Variants in MFSD8 observed in about 807,000 individuals in gnomAD.
MFSD8 encodes major facilitator superfamily domain-containing protein 8.
MFSD8 carries 55 observed loss-of-function variants against 66.4 expected under a neutral mutation model. The ratio of observed to expected loss-of-function variants is 0.83; its 90% CI spans 0.67 to 1.04. MFSD8 has a LOEUF of 1.04. Among genes scored for constraint, MFSD8 ranks in the 50% least tolerant of loss-of-function variants. The pLI, the probability that MFSD8 is intolerant of heterozygous loss-of-function variation, is 0.00. For missense variants in MFSD8, 550 were observed against 627.6 expected, an observed-to-expected ratio of 0.88 and a Z score of 1.32; for synonymous variants, 202 against 212.8, an observed-to-expected ratio of 0.95 and a Z score of 0.44.
rs184418973 is a variant in MFSD8 at position 127,957,038 on chromosome 4, G to A, written c.154+463C>T. ...AGCCTTAAGCACATAGGAGAATAGA[G>A]GAAAAATTTCTCCTACCCTAGAATA... On this transcript the variant is annotated intron_variant, in intron 2 of 11. Coordinates refer to ENST00000641686, the MANE Select transcript of MFSD8 (RefSeq NM_001371596.2). 8.0e-4 allele frequency among the ~76,000 whole-genome samples: 122 copies of A among 152,056 alleles called. 2 individuals carry two copies. Among genetic ancestry groups the A allele is most frequent in the Admixed American group, 5.8e-3 (88 of 15,262 alleles).
intron 9 of MFSD8, among the ~76,000 whole-genome samples, chr4:127,923,552 T>TTATTATTA (rs1553944539): frequency 1.5e-5 from 2 of 130,578 alleles, no homozygotes; most frequent in Admixed American, 8.0e-5. Flanking sequence ...TTTATTTTTA[T>TTATTATTA]TTATTATTAT....
intron 8 of MFSD8, chr4:127,932,770 A>C (rs1246769947): frequency 4.6e-6 from 2 of 438,600 alleles, no homozygotes; most frequent in South Asian, 5.5e-5. Context: ...AGATTCTTTT[A>C]TAAGAAAATA....
At chr4:127,942,293 C>A in intron 4 of MFSD8, 135 bp from the exon 5 acceptor site, 1 of 698,946 alleles carries the variant, frequency 1.4e-6, no homozygotes, top group Non-Finnish European at 2.6e-6. Flanking sequence ...TATGATCACA[C>A]AAAGCATGTA....
chr4:127,930,250 A>T (rs778935720), intron 9 of MFSD8, among the ~76,000 whole-genome samples: 1 of 152,084 alleles, frequency 6.6e-6, no homozygotes, highest in African/African-American at 2.4e-5. Flanking sequence ...AAAAAAAAAA[A>T]GAGTGTTGTG....
chr4:127,924,901 C>A (rs2148852798), intron 9 of MFSD8, among the ~76,000 whole-genome samples: 1 of 152,116 alleles, frequency 6.6e-6, no homozygotes, highest in East Asian at 1.9e-4. Context: ...GATATATAGA[C>A]CAATGGAACA....
At chr4:127,965,259 G>C (rs913980153), upstream of MFSD8, 7 of 1,227,976 alleles carry the variant, frequency 5.7e-6, no homozygotes, top group Admixed American at 3.9e-5. Flanking sequence ...GTCAGACGTA[G>C]GCGGAACGCC....
chr4:127,921,482 A>T, intron 11 of MFSD8, 42 bp downstream of exon 11: 1 of 1,613,252 alleles, frequency 6.2e-7, no homozygotes, highest in Non-Finnish European at 8.5e-7. Context: ...AGTGCTTACA[A>T]GTATATTTTC....
chr4:127,925,014 G>T (rs1011646632), intron 9 of MFSD8, among the ~76,000 whole-genome samples: 2 of 152,086 alleles, frequency 1.3e-5, no homozygotes, highest in African/African-American at 4.8e-5. Flanking sequence ...TTTAATAAAT[G>T]GTGTTGGGAA....
intron 3 of MFSD8, chr4:127,945,662 G>C (rs1740913642): frequency 6.6e-6 from 1 of 151,864 alleles, no homozygotes; most frequent in African/African-American, 2.4e-5. Flanking sequence ...ATATTTAGGT[G>C]CGTTTTTCTT....
At chr4:127,944,606 A>T (rs1445884020) in intron 3 of MFSD8, among the ~76,000 whole-genome samples, 1 of 152,188 alleles carries the variant, frequency 6.6e-6, no homozygotes, top group Non-Finnish European at 1.5e-5. Context: ...AGAAAATAAA[A>T]TACTTTCAGA....
At position 127,936,462 on chromosome 4, in the gene MFSD8, A is replaced by T. The variant is rs192955381; in HGVS notation, c.754+2321T>A. Reference sequence around the variant, plus strand: ...TATTTGTTTCCAGGTGCAGTGGCTCACACCTGTAATCCTAGCACTTTGGGA... The same window carrying T: ...TATTTGTTTCCAGGTGCAGTGGCTCTCACCTGTAATCCTAGCACTTTGGGA... On this transcript the variant is annotated intron_variant, in intron 7 of 11. Transcript: ENST00000641686. Among the ~76,000 whole-genome samples the T allele has an allele frequency of 8.5e-5, 13 of 152,098 alleles. No individual in the cohort carries two copies. The East Asian group carries it at 2.4e-3, about 28-fold the overall frequency.
chr4:127,961,436 C>G (rs953525913), intron 1 of MFSD8, among the ~76,000 whole-genome samples: 5 of 151,958 alleles, frequency 3.3e-5, no homozygotes, highest in African/African-American at 1.2e-4. Flanking sequence ...TACAAGGTGA[C>G]AGAATGTACC....
rs1490186731 is a variant in MFSD8 at position 127,930,698 on chromosome 4, T to G, written c.983A>C (p.Lys328Thr). 1 of 1,613,560 alleles carries G rather than the reference T, an allele frequency of 6.2e-7. No homozygotes were observed. Among genetic ancestry groups the G allele is most frequent in the South Asian group, 1.1e-5 (1 of 90,956 alleles). The change falls in exon 9 of 12, where the codon AAG becomes ACG. Residue 328 changes from lysine to threonine, a missense_variant. Lys to Thr is a moderately conservative substitution (Grantham distance 78, BLOSUM62 -1). Transcript: ENST00000641686. ...VEAVVIFLGV[K>T]LLSKKIGERA... Reference sequence around the variant, plus strand: ...CTTAACTTACTTTTTGGAAAGCAACTTAACTCCTAAGAAAATAACAACGGC... The same window carrying G: ...CTTAACTTACTTTTTGGAAAGCAACGTAACTCCTAAGAAAATAACAACGGC...
At chr4:127,939,663 T>C in intron 6 of MFSD8, 190 bp downstream of exon 6, 1 of 456,314 alleles carries the variant, frequency 2.2e-6, no homozygotes, top group South Asian at 4.1e-5. Context: ...TCCTTTTCTG[T>C]TCTCATTTAT....
chr4:127,950,093 C>T (rs779417951), intron 2 of MFSD8, among the ~76,000 whole-genome samples: 7 of 152,306 alleles, frequency 4.6e-5, no homozygotes, highest in Middle Eastern at 3.4e-3. Context: ...CTTCTCCATA[C>T]TCATGTGCTT....
rs954995447 is a variant in MFSD8, at chr4:127,919,833, T to TTG, written c.*795_*796dup. 1 of 152,130 alleles carries TTG rather than the reference T, an allele frequency of 6.6e-6. No homozygotes were observed. The highest frequency in any genetic ancestry group is 2.4e-5 in the African/African-American group (1 of 41,408). 9.4% of individuals were successfully genotyped at this position (152,130 alleles called of 1,614,324 possible). A position where few individuals can be genotyped will look rare whatever the true frequency, so the allele number is the denominator to read the frequency against. On this transcript the variant is annotated 3_prime_UTR_variant, in exon 12 of 12. Coordinates refer to ENST00000641686, the MANE Select transcript of MFSD8 (RefSeq NM_001371596.2). ...TAATTTTAAGAAACCATTTACTGTTTTGTATATATATATATAAAATAACAC... is the reference window on the plus strand; with the variant it reads ...TAATTTTAAGAAACCATTTACTGTTTTGTGTATATATATATATAAAATAACAC...
upstream of MFSD8, chr4:127,965,257 T>A: frequency 5.7e-6 from 7 of 1,237,194 alleles, 1 homozygote; most frequent in South Asian, 7.7e-5. Flanking sequence ...CGGTCAGACG[T>A]AGGCGGAACG....
At chr4:127,924,180 G>C (rs1329524729) in intron 9 of MFSD8, among the ~76,000 whole-genome samples, 1 of 151,974 alleles carries the variant, frequency 6.6e-6, no homozygotes, top group Non-Finnish European at 1.5e-5. Flanking sequence ...ACTTATTATT[G>C]GTCAATTCAG....
chr4:127,942,222 C>T (rs1740302844), intron 4 of MFSD8, 64 bp from the exon 5 acceptor site: 1 of 1,285,218 alleles, frequency 7.8e-7, no homozygotes, highest in South Asian at 1.2e-5. Flanking sequence ...AAAATTCAAT[C>T]CAATTTGACT....
Sources: allele counts gnomAD v4.1 joint callset (sites outside exome capture counted in the v4.1 genomes callset), GRCh38; gene constraint gnomAD v4.1.1; transcripts MANE v1.5; gene names NCBI Gene and HGNC (gene_info 2026-07-23, HGNC 2026-07-21).